Variants in LRRC56 observed in about 807,000 individuals in gnomAD.
LRRC56 encodes leucine-rich repeat-containing protein 56.
LRRC56 carries 41 observed loss-of-function variants against 47.8 expected under a neutral mutation model. The ratio of observed to expected loss-of-function variants is 0.86; its 90% CI spans 0.67 to 1.11. LRRC56 has a LOEUF of 1.11. Among genes scored for constraint, LRRC56 ranks in the 50% most tolerant of loss-of-function variants. LRRC56 has a pLI of 0.00. For missense variants in LRRC56, 759 were observed against 704.2 expected, an observed-to-expected ratio of 1.08 and a Z score of -0.88; for synonymous variants, 387 against 311.2, an observed-to-expected ratio of 1.24 and a Z score of -2.56.
rs181073761 is a variant in LRRC56 at position 547,994 on chromosome 11, C to T, written c.327-1908C>T. Among the ~76,000 whole-genome samples the T allele has an allele frequency of 3.1e-4, 47 of 151,950 alleles. 1 individual carries two copies. The highest frequency in any genetic ancestry group is 1.0e-3 in the African/African-American group (43 of 41,444). The stretch of plus-strand genomic sequence containing the variant: ...TACAAAAATTAGCCGGGTGTGGTGG[C>T]GGGCACCTGTAATCACAGCTACTCG... On this transcript the variant is annotated intron_variant, in intron 6 of 13. Coordinates refer to ENST00000270115, the MANE Select transcript of LRRC56 (RefSeq NM_198075.4).
chr11:552,631 G>A lies in LRRC56; in HGVS notation c.1244G>A (p.Arg415Gln), dbSNP rs138766042. The change falls in exon 13 of 14, where the codon CGG becomes CAG. Residue 415 changes from arginine to glutamine, a missense_variant. Arg to Gln is a conservative substitution (Grantham distance 43). Coordinates refer to ENST00000270115, the MANE Select transcript of LRRC56 (RefSeq NM_198075.4). ...GGGGCTGTAGCCCCCTGGGGCCCAC[G>A]GAGGGTCCCTGAAGAGCAAGTGCAC... ...QEGAVAPWGP[R>Q]RVPEEQVHQA... 5.2e-4 allele frequency: 835 copies of A among 1,611,034 alleles called. 5 individuals are homozygous for A. In the Middle Eastern group the frequency reaches 0.015, roughly 30 times the overall value.
At chr11:518,729 G>A in the LRRC56 span, among the ~76,000 whole-genome samples, 518 of 152,278 alleles carry the variant, frequency 3.4e-3, 4 homozygotes, top group African/African-American at 0.012. Context: ...CAGCCAGCGC[G>A]GAACCGGACG....
At chr11:549,369 A>G (rs1024608838) in intron 6 of LRRC56, among the ~76,000 whole-genome samples, 5 of 152,086 alleles carry the variant, frequency 3.3e-5, no homozygotes, top group African/African-American at 9.7e-5. Flanking sequence ...CAGTGGGAAC[A>G]GGGTGGGCCC....
At chr11:539,076 CTTTGTTTG>C (rs577327198) in intron 2 of LRRC56, among the ~76,000 whole-genome samples, 3 of 151,804 alleles carry the variant, frequency 2.0e-5, no homozygotes, top group Non-Finnish European at 3.0e-5. Flanking sequence ...ATGTCTGCAT[CTTTGTTTG>C]TTTGTTTGTT....
chr11:521,572 T>C, the LRRC56 span, among the ~76,000 whole-genome samples: 2 of 152,144 alleles, frequency 1.3e-5, no homozygotes, highest in African/African-American at 4.8e-5. Flanking sequence ...CCTCTCAAAG[T>C]GCTAGGATTA....
chr11:521,436 G>A, the LRRC56 span, among the ~76,000 whole-genome samples: 1 of 152,138 alleles, frequency 6.6e-6, no homozygotes, highest in Non-Finnish European at 1.5e-5. Flanking sequence ...AGCCTCCCGA[G>A]AAGCTGCGAC....
At chr11:551,511 G>A in intron 9 of LRRC56, 140 bp from the exon 10 acceptor site, 1 of 938,088 alleles carries the variant, frequency 1.1e-6, no homozygotes. Context: ...TGAAGATGAG[G>A]GCCTCTCTAG....
At chr11:512,091 G>A in the LRRC56 span, among the ~76,000 whole-genome samples, 11 of 151,750 alleles carry the variant, frequency 7.2e-5, no homozygotes, top group South Asian at 2.1e-4. Context: ...CTACAGGTGC[G>A]TGCCACCACA....
chr11:544,644 G>A, intron 5 of LRRC56, 76 bp from the exon 6 acceptor site: 1 of 1,481,266 alleles, frequency 6.8e-7, no homozygotes, highest in Non-Finnish European at 9.4e-7. Flanking sequence ...GGGTGCTGAT[G>A]CCTAGGGGTG....
chr11:533,978 G>A (rs2133992253), upstream of LRRC56: 2 of 1,601,878 alleles, frequency 1.2e-6, no homozygotes, highest in Non-Finnish European at 1.7e-6. Flanking sequence ...ACCCCCTCAG[G>A]ACCTTCCGTG....
Position 551,741 on chromosome 11 carries a change from C to A in LRRC56, c.887C>A (p.Ser296Tyr), listed in dbSNP as rs139348192. 6.2e-7 allele frequency: 1 copy of A among 1,611,414 alleles called. No homozygotes were observed. The highest frequency in any genetic ancestry group is 1.3e-5 in the African/African-American group (1 of 74,920). The stretch of plus-strand genomic sequence containing the variant: ...CGGGCCTCCAGGCCCTGGCCCTTCT[C>A]CCTGCTGGTCCGTGGGGGCCCCCTG... ...QSRASRPWPF[S>Y]LLVRGGPLPE... The change falls in exon 10 of 14, where the codon TCC becomes TAC. Residue 296 changes from serine (S) to tyrosine (Y), a missense_variant. By Grantham distance (144) the Ser-to-Tyr change is moderately radical. Coordinates refer to ENST00000270115, the MANE Select transcript of LRRC56 (RefSeq NM_198075.4).
At chr11:518,984 G>A in the LRRC56 span, among the ~76,000 whole-genome samples, 1 of 151,966 alleles carries the variant, frequency 6.6e-6, no homozygotes, top group Non-Finnish European at 1.5e-5. Flanking sequence ...GACGCGGCGC[G>A]CTTACGAGGG....
chr11:519,062 G>A, the LRRC56 span, among the ~76,000 whole-genome samples: 3 of 152,212 alleles, frequency 2.0e-5, no homozygotes, highest in Non-Finnish European at 1.5e-5. Flanking sequence ...TGTCCGCTGT[G>A]CAAACCGGTC....
intron 5 of LRRC56, among the ~76,000 whole-genome samples, chr11:542,610 C>T (rs1851856270): frequency 8.1e-6 from 1 of 123,666 alleles, no homozygotes; most frequent in African/African-American, 3.7e-5. Context: ...AAAAACACTC[C>T]CTCCCCGCCC....
chr11:527,311 T>G, the LRRC56 span, among the ~76,000 whole-genome samples: 7,318 of 152,082 alleles, frequency 0.048, 194 homozygotes, highest in Middle Eastern at 0.099. Context: ...AAAAAAAAAT[T>G]TGCAACGTGC....
At chr11:528,662 C>G in the LRRC56 span, 2 of 152,208 alleles carry the variant, frequency 1.3e-5, no homozygotes, top group Non-Finnish European at 1.5e-5. Flanking sequence ...ACGATCGTCT[C>G]GAGCCACGGG....
At chr11:530,922 G>C in the LRRC56 span, among the ~76,000 whole-genome samples, 9 of 33,358 alleles carry the variant, frequency 2.7e-4, no homozygotes, top group Non-Finnish European at 3.3e-4. Context: ...GAGAGAAGGG[G>C]GAGTGTGGCG....
chr11:542,580 C>CAAAAAAAAAAAAAAAAAAAAAAA (rs71022928), intron 5 of LRRC56, among the ~76,000 whole-genome samples: 5 of 25,998 alleles, frequency 1.9e-4, no homozygotes, highest in Non-Finnish European at 3.2e-4. Flanking sequence ...AACCCTGTCG[C>CAAAAAAAAAAAAAAAAAAAAAAA]AAAAAAAAAA....
rs145617129 is a variant in LRRC56 at position 550,462 on chromosome 11, C to T, written c.624+190C>T. 6.4e-3 allele frequency among the ~76,000 whole-genome samples: 981 copies of T among 152,306 alleles called. 11 individuals carry two copies. The highest frequency in any genetic ancestry group is 0.013 in the Admixed American group (199 of 15,312). On this transcript the variant is annotated intron_variant, in intron 8 of 13. Coordinates refer to ENST00000270115, the MANE Select transcript of LRRC56 (RefSeq NM_198075.4). The stretch of plus-strand genomic sequence containing the variant: ...CCAGGACACCCTCCTGGACCAGCCC[C>T]GCTAGATCCCACAGGGTCACCTGCA...
Sources: gnomAD v4.1 joint callset for allele counts (sites outside exome capture counted in the v4.1 genomes callset) on GRCh38, gnomAD v4.1.1 for gene constraint, MANE v1.5 for transcripts, NCBI Gene and HGNC (gene_info 2026-07-23, HGNC 2026-07-21) for gene names.